ADGRG3: variants seen among roughly 807,000 people sequenced by gnomAD.
ADGRG3 encodes the protein G protein-coupled receptor 97.
ADGRG3 carries 39 observed loss-of-function variants against 54.3 expected under a neutral mutation model. The ratio of observed to expected loss-of-function variants is 0.72; its 90% CI spans 0.56 to 0.94. The LOEUF (loss-of-function observed/expected upper bound fraction) is 0.94, where lower values mean the gene tolerates loss of function less well. ADGRG3 is among the 40% of genes least tolerant of loss of function. The pLI is 0.00. For synonymous variants in ADGRG3, 312 were observed against 290.0 expected (o/e 1.08, Z -0.77); for missense variants, 654 against 694.6 (o/e 0.94, Z 0.66).
chr16:57,678,117 G>A (rs2048295269), intron 3 of ADGRG3, 53 bp from the exon 4 acceptor site: 1 of 1,596,590 alleles, frequency 6.3e-7, no homozygotes, highest in African/African-American at 1.3e-5. Context: ...GGAGTGGCAG[G>A]ACTCGTGTTG....
rs758636602 is a variant in ADGRG3 at position 57,684,370 on chromosome 16, C to T, written c.1163-20C>T. On this transcript the variant is annotated intron_variant, in intron 9 of 11. Coordinates refer to ENST00000333493, the MANE Select transcript of ADGRG3 (RefSeq NM_170776.5). Reference sequence around the variant, plus strand: ...GCCAGTAAGCCCCAGTGGTGTCATGCCATTTCCCCTTGTGCCCAGGCCTGC... The same window carrying T: ...GCCAGTAAGCCCCAGTGGTGTCATGTCATTTCCCCTTGTGCCCAGGCCTGC... The T allele has an allele frequency of 6.2e-7, 1 of 1,604,620 alleles. No individual in the cohort carries two copies. Among genetic ancestry groups the T allele is most frequent in the South Asian group, 1.1e-5 (1 of 90,782 alleles).
intron 4 of ADGRG3, 125 bp downstream of exon 4, chr16:57,678,441 T>C: frequency 1.1e-6 from 1 of 906,302 alleles, no homozygotes; most frequent in Non-Finnish European, 1.7e-6. Context: ...AGCCTCTTAG[T>C]GTTTCTAATG....
upstream of ADGRG3, among the ~76,000 whole-genome samples, chr16:57,667,978 C>T (rs573568120): frequency 4.3e-4 from 65 of 152,342 alleles, no homozygotes; most frequent in African/African-American, 1.6e-3. Flanking sequence ...TGAGTAGGTG[C>T]GCCTGACTCC....
intron 8 of ADGRG3, among the ~76,000 whole-genome samples, chr16:57,681,795 T>C (rs1242231191): frequency 9.2e-5 from 14 of 151,554 alleles, no homozygotes; most frequent in Admixed American, 4.6e-4. Context: ...TCAAAAAATT[T>C]TAAGAATGTC....
At chr16:57,683,672 A>G (rs1261808341) in intron 8 of ADGRG3, among the ~76,000 whole-genome samples, 1 of 151,992 alleles carries the variant, frequency 6.6e-6, no homozygotes, top group Admixed American at 6.6e-5. Flanking sequence ...TTTCCCTATT[A>G]TCCTGCCTCA....
rs577325950 is a variant in ADGRG3, at chr16:57,676,420, T to C, written c.345+82T>C. The C allele has an allele frequency of 2.2e-6, 3 of 1,337,046 alleles. No homozygotes were observed. In the African/African-American group the frequency reaches 4.4e-5, roughly 20 times the overall value. The allele number at this position is 1,337,046 out of a possible 1,614,324, so 82.8% of individuals were successfully genotyped here. A position where few individuals can be genotyped will look rare whatever the true frequency, so the allele number is the denominator to read the frequency against. ...ATTTCAAAACTCTAAGAGAGTTATA[T>C]CCTGTGATATAACTAGGGCTTGTCC... On this transcript the variant is annotated intron_variant, in intron 3 of 11. Coordinates refer to ENST00000333493, the MANE Select transcript of ADGRG3 (RefSeq NM_170776.5).
chr16:57,678,006 G>C (rs1352691395), intron 3 of ADGRG3, among the ~76,000 whole-genome samples, 164 bp from the exon 4 acceptor site: 1 of 152,220 alleles, frequency 6.6e-6, no homozygotes, highest in Middle Eastern at 3.2e-3. Context: ...AGCCTGTGAG[G>C]AGCAGAGCTT....
rs1141418 is a variant in ADGRG3, at chr16:57,689,337, T to C, written c.*876T>C. The C allele has an allele frequency of 0.21, 34,088 of 162,738 alleles. 4,323 individuals carry two copies. Among genetic ancestry groups the C allele is most frequent in the African/African-American group, 0.34 (14,091 of 41,542 alleles). The allele number at this position is 162,738 out of a possible 1,614,324, so 10.1% of individuals were successfully genotyped here. ...GTTCCAGCCCAGGCCAAGCACAGGG[T>C]CTGGCTCGTGGCAAACCTTGAATAA... On this transcript the variant is annotated 3_prime_UTR_variant, in exon 12 of 12. Coordinates refer to ENST00000333493, the MANE Select transcript of ADGRG3 (RefSeq NM_170776.5).
In ADGRG3 at chr16:57,680,605, A is replaced by G. The variant is rs746960485; in HGVS notation, c.869A>G (p.Tyr290Cys). The change falls in exon 8 of 12, where the codon TAT becomes TGT. Residue 290 changes from tyrosine to cysteine, a missense_variant. Physicochemically the swap from Tyr to Cys is radical, Grantham distance 194. Coordinates refer to ENST00000333493, the MANE Select transcript of ADGRG3 (RefSeq NM_170776.5). Reference sequence around the variant, plus strand: ...TTCCTGGCCTTCACCATTATTCTTTATGCCTTTCTGAGGTGAGTGATCCCC... The same window carrying G: ...TTCCTGGCCTTCACCATTATTCTTTGTGCCTTTCTGAGGTGAGTGATCCCC... ...MIFLAFTIILYAFLRLSRERF... is the reference protein window; with the variant it reads ...MIFLAFTIILCAFLRLSRERF... 2 of 1,610,720 alleles carry G rather than the reference A, an allele frequency of 1.2e-6. No homozygotes were observed. Among genetic ancestry groups the G allele is most frequent in the Admixed American group, 1.7e-5 (1 of 59,968 alleles).
chr16:57,677,873 C>A (rs1172315856), intron 3 of ADGRG3, among the ~76,000 whole-genome samples: 1 of 152,262 alleles, frequency 6.6e-6, no homozygotes, highest in Non-Finnish European at 1.5e-5. Context: ...CTCCAGCCGT[C>A]CTCATACTTG....
intron 8 of ADGRG3, 21 bp from the exon 9 acceptor site, chr16:57,683,911 G>A (rs376836490): frequency 5.3e-6 from 8 of 1,523,448 alleles, no homozygotes; most frequent in Non-Finnish European, 6.2e-6. Flanking sequence ...GCCCCTTGGG[G>A]CCTCTTATTT....
chr16:57,668,206 C>A, upstream of ADGRG3: 1 of 662,744 alleles, frequency 1.5e-6, no homozygotes, highest in South Asian at 1.8e-5. Flanking sequence ...CCAATGGCGC[C>A]ATCGAGCAGG....
intron 9 of ADGRG3, 51 bp downstream of exon 9, chr16:57,684,263 A>AG (rs779921344): frequency 6.3e-7 from 1 of 1,589,038 alleles, no homozygotes; most frequent in South Asian, 1.1e-5. Flanking sequence ...GAGGGTGCAG[A>AG]GGGAAATAGC....
intron 2 of ADGRG3, among the ~76,000 whole-genome samples, chr16:57,673,981 C>T (rs1184020461): frequency 2.0e-5 from 3 of 152,060 alleles, no homozygotes; most frequent in Non-Finnish European, 4.4e-5. Flanking sequence ...TGGGCAGATG[C>T]GATGGGTGGG....
At chr16:57,678,351 A>G in intron 4 of ADGRG3, 35 bp downstream of exon 4, 1 of 1,609,564 alleles carries the variant, frequency 6.2e-7, no homozygotes, top group South Asian at 1.1e-5. Flanking sequence ...GTTAAGTGCT[A>G]GGTCCTCTGG....
chr16:57,682,692 C>T (rs2048396013), intron 8 of ADGRG3: 1 of 937,810 alleles, frequency 1.1e-6, no homozygotes, highest in Non-Finnish European at 1.3e-6. Context: ...GGCTGAGAGC[C>T]CTTTTGGATC....
At chr16:57,677,562 A>T (rs2048285789) in intron 3 of ADGRG3, among the ~76,000 whole-genome samples, 1 of 152,232 alleles carries the variant, frequency 6.6e-6, no homozygotes, top group Admixed American at 6.5e-5. Context: ...AGCCTGGGCA[A>T]CAAGAATGAG....
chr16:57,680,722 C>A, intron 8 of ADGRG3, 105 bp downstream of exon 8: 2 of 760,480 alleles, frequency 2.6e-6, no homozygotes, highest in African/African-American at 1.7e-5. Flanking sequence ...CCGTTGTCCC[C>A]TCCACACGTT....
chr16:57,680,420 C>T (rs1597772269), intron 7 of ADGRG3, 55 bp downstream of exon 7: 1 of 1,565,952 alleles, frequency 6.4e-7, no homozygotes, highest in Non-Finnish European at 8.8e-7. Flanking sequence ...CAGCTCCTGC[C>T]CTGGGGAGGG....
Sources: gnomAD v4.1 joint callset for allele counts (sites outside exome capture counted in the v4.1 genomes callset) on GRCh38, gnomAD v4.1.1 for gene constraint, MANE v1.5 for transcripts, NCBI Gene and HGNC (gene_info 2026-07-23, HGNC 2026-07-21) for gene names.